Variants in CAST observed in about 807,000 individuals in gnomAD.
CAST encodes calpastatin, also known as MIR583 host.
CAST carries 76 observed loss-of-function variants against 119.6 expected under a neutral mutation model. The observed-to-expected ratio is 0.64, with a 90% CI of 0.53 to 0.77. The LOEUF (loss-of-function observed/expected upper bound fraction) is 0.77. Ranked by LOEUF, CAST falls within the 30% of genes least tolerant of loss-of-function variation. The pLI, the probability that CAST is intolerant of heterozygous loss-of-function variation, is 0.00. For synonymous variants in CAST, 319 were observed against 331.6 expected, an observed-to-expected ratio of 0.96 and a Z score of 0.41; for missense variants, 953 against 946.5, an observed-to-expected ratio of 1.01 and a Z score of -0.09.
At chr5:96,466,980 A>G in the CAST span, among the ~76,000 whole-genome samples, 1 of 152,130 alleles carries the variant, frequency 6.6e-6, no homozygotes, top group Non-Finnish European at 1.5e-5. Flanking sequence ...CTTTTTCCCT[A>G]CATCTTTGCA....
At chr5:96,188,133 A>G in the CAST span, among the ~76,000 whole-genome samples, 3 of 152,212 alleles carry the variant, frequency 2.0e-5, no homozygotes, top group Non-Finnish European at 2.9e-5. Context: ...AAGCCTTTTT[A>G]TTACACAAAA....
the CAST span, among the ~76,000 whole-genome samples, chr5:96,173,960 T>C: frequency 6.6e-6 from 1 of 152,040 alleles, no homozygotes; most frequent in Admixed American, 6.6e-5. Context: ...GCCAGGATGG[T>C]CTCGATCACC....
upstream of CAST, among the ~76,000 whole-genome samples, chr5:96,525,031 T>G (rs1014213267): frequency 6.6e-6 from 1 of 152,208 alleles, no homozygotes; most frequent in African/African-American, 2.4e-5. Flanking sequence ...GCTCTTCATG[T>G]GTTCTGTTTT....
chr5:96,370,039 CT>C, the CAST span, among the ~76,000 whole-genome samples: 4 of 151,938 alleles, frequency 2.6e-5, no homozygotes, highest in South Asian at 2.1e-4. Flanking sequence ...ATGGAAATCT[CT>C]TACATTTCAA....
At chr5:96,243,922 C>T in the CAST span, among the ~76,000 whole-genome samples, 85 of 152,290 alleles carry the variant, frequency 5.6e-4, no homozygotes, top group Non-Finnish European at 1.1e-3. Context: ...AATTACCTAC[C>T]TCATAAAACT....
chr5:96,672,976 A>G (rs765582259), intron 1 of CAST, among the ~76,000 whole-genome samples: 23 of 152,206 alleles, frequency 1.5e-4, no homozygotes, highest in Non-Finnish European at 3.4e-4. Context: ...TATGATATGT[A>G]TTTGCCACAT....
the CAST span, among the ~76,000 whole-genome samples, chr5:95,966,358 C>G: frequency 6.6e-6 from 1 of 152,058 alleles, no homozygotes; most frequent in Non-Finnish European, 1.5e-5. Context: ...ACTGGCAGCC[C>G]TGGGGTTCTA....
chr5:96,247,520 T>C, the CAST span, among the ~76,000 whole-genome samples: 3,572 of 152,320 alleles, frequency 0.023, 126 homozygotes, highest in African/African-American at 0.082. Context: ...GATTGACGTG[T>C]AACATGTTCA....
At chr5:96,617,080 A>G (rs998983212) in intron 1 of CAST, among the ~76,000 whole-genome samples, 3 of 152,176 alleles carry the variant, frequency 2.0e-5, no homozygotes, top group African/African-American at 7.2e-5. Flanking sequence ...ACAGGTTGCT[A>G]CTGTGAATCA....
chr5:95,976,255 C>T, the CAST span, among the ~76,000 whole-genome samples: 2 of 151,636 alleles, frequency 1.3e-5, no homozygotes, highest in Non-Finnish European at 2.9e-5. Context: ...CAAGGTTTTT[C>T]CTGCCTTTGT....
chr5:96,692,022 T>C (rs1324234007), intron 2 of CAST, among the ~76,000 whole-genome samples: 3 of 152,328 alleles, frequency 2.0e-5, no homozygotes, highest in East Asian at 3.9e-4. Context: ...ACAATAGATA[T>C]ACAAAAAAGT....
Position 96,668,171 on chromosome 5 carries a change from CA to C in CAST, c.75+5675del, listed in dbSNP as rs1561453766. On this transcript the variant is annotated intron_variant, in intron 1 of 31. Transcript: ENST00000675179. ...GCGTGCACACACACACACACACACA[CA>C]CCCTTTCAACATGTTTTAAAGCATG... Among the ~76,000 whole-genome samples, 1,280 of 152,244 alleles carry C rather than the reference CA, an allele frequency of 8.4e-3. 15 individuals carry two copies. Among genetic ancestry groups the C allele is most frequent in the African/African-American group, 0.029 (1,201 of 41,522 alleles).
chr5:96,437,369 A>G, the CAST span, among the ~76,000 whole-genome samples: 2 of 152,330 alleles, frequency 1.3e-5, no homozygotes, highest in East Asian at 3.9e-4. Flanking sequence ...GTGGCCATAT[A>G]CAAGTATTTA....
the CAST span, among the ~76,000 whole-genome samples, chr5:96,285,561 G>A: frequency 6.6e-6 from 1 of 152,186 alleles, no homozygotes; most frequent in African/African-American, 2.4e-5. Flanking sequence ...ATATTGGCAT[G>A]AAGCTGCTGA....
At chr5:96,019,627 A>G in the CAST span, among the ~76,000 whole-genome samples, 7 of 152,198 alleles carry the variant, frequency 4.6e-5, no homozygotes, top group African/African-American at 1.7e-4. Flanking sequence ...TCTGATATCT[A>G]GACTCCCCAG....
At chr5:96,765,389 ACT>A (rs1769559196) in intron 26 of CAST, 64 bp downstream of exon 26, 2 of 778,026 alleles carry the variant, frequency 2.6e-6, no homozygotes. Context: ...TTGGGTCTTG[ACT>A]CTGTCATTGT....
chr5:96,312,501 T>C, the CAST span, among the ~76,000 whole-genome samples: 2 of 152,068 alleles, frequency 1.3e-5, no homozygotes, highest in African/African-American at 2.4e-5. Flanking sequence ...GAATTTTACA[T>C]CCCAACACCA....
the CAST span, among the ~76,000 whole-genome samples, chr5:96,206,041 T>C: frequency 6.6e-6 from 1 of 151,976 alleles, no homozygotes; most frequent in African/African-American, 2.4e-5. Context: ...CTCATTGTGG[T>C]TTTAATTTGC....
At chr5:96,362,067 G>C in the CAST span, among the ~76,000 whole-genome samples, 1 of 151,682 alleles carries the variant, frequency 6.6e-6, no homozygotes, top group Non-Finnish European at 1.5e-5. Flanking sequence ...CCCACCTATG[G>C]GTGAGAACAT....
Sources: gnomAD v4.1 joint callset for allele counts (sites outside exome capture counted in the v4.1 genomes callset) on GRCh38, gnomAD v4.1.1 for gene constraint, MANE v1.5 for transcripts, NCBI Gene and HGNC (gene_info 2026-07-23, HGNC 2026-07-21) for gene names.